The following PKN2 variants were observed in gnomAD, a reference collection of about 807,000 sequenced individuals.
PKN2 encodes the protein protein kinase N2.
In PKN2, 38 loss-of-function variants were observed where a neutral mutation model predicts 119.1. The observed-to-expected ratio is 0.32, with a 90% CI of 0.25 to 0.42. PKN2 has a LOEUF of 0.42. Among genes scored for constraint, PKN2 ranks in the 10% least tolerant of loss-of-function variants. The pLI is 1.00. For missense variants in PKN2, 850 were observed against 1,165.1 expected (o/e 0.73, Z 3.94); for synonymous variants, 390 against 384.9 (o/e 1.01, Z -0.15).
intron 2 of PKN2, among the ~76,000 whole-genome samples, chr1:88,745,661 T>A (rs886470750): frequency 6.6e-6 from 1 of 152,156 alleles, no homozygotes; most frequent in Non-Finnish European, 1.5e-5. Context: ...ATGTCCATAC[T>A]ACCCAATGTG....
intron 1 of PKN2, among the ~76,000 whole-genome samples, chr1:88,687,187 TTC>T (rs1213971194): frequency 4.6e-5 from 7 of 152,174 alleles, no homozygotes; most frequent in Admixed American, 4.6e-4. Context: ...AACTACAGTA[TTC>T]TGTCTTGTTA....
chr1:88,820,180 C>CTATATATATATATA (rs397980752), intron 16 of PKN2, among the ~76,000 whole-genome samples: 23 of 70,718 alleles, frequency 3.3e-4, no homozygotes, highest in East Asian at 4.9e-4. Flanking sequence ...TTTCAGAAAC[C>CTATATATATATATA]TATATATATA....
At chr1:88,745,937 C>T (rs148921864) in intron 2 of PKN2, among the ~76,000 whole-genome samples, 1 of 152,186 alleles carries the variant, frequency 6.6e-6, no homozygotes, top group African/African-American at 2.4e-5. Flanking sequence ...CAATTCAAAT[C>T]AATTGATTTT....
intron 1 of PKN2, among the ~76,000 whole-genome samples, chr1:88,714,996 T>C (rs1264055549): frequency 6.6e-6 from 1 of 152,228 alleles, no homozygotes; most frequent in African/African-American, 2.4e-5. Context: ...CTGTTGAATT[T>C]TGTCAAAGGC....
chr1:88,693,022 A>C (rs1235782970), intron 1 of PKN2, among the ~76,000 whole-genome samples: 1 of 152,246 alleles, frequency 6.6e-6, no homozygotes, highest in Non-Finnish European at 1.5e-5. Flanking sequence ...GTATTGCTTC[A>C]CACATGCTAG....
At position 88,813,612 on chromosome 1, in the gene PKN2, T is replaced by C; in HGVS notation, c.2158T>C (p.Leu720=). Residue 720 remains leucine, a synonymous_variant, in exon 16 of 22, where the codon TTG becomes CTG. Coordinates refer to ENST00000370521, the MANE Select transcript of PKN2 (RefSeq NM_006256.4). ...ETVNSVRHPF[L]VNLFACFQTK... Reference sequence around the variant, plus strand: ...TGTGAATAGTGTAAGGCATCCCTTTTTGGTGAACCTTTTTGCATGTTTCCA... The same window carrying C: ...TGTGAATAGTGTAAGGCATCCCTTTCTGGTGAACCTTTTTGCATGTTTCCA... 1.2e-6 allele frequency: 2 copies of C among 1,610,776 alleles called. No individual in the cohort carries two copies. Among genetic ancestry groups the C allele is most frequent in the Non-Finnish European group, 1.7e-6 (2 of 1,178,792 alleles).
intron 1 of PKN2, among the ~76,000 whole-genome samples, chr1:88,720,045 G>A (rs569580992): frequency 6.6e-6 from 1 of 152,130 alleles, no homozygotes; most frequent in Non-Finnish European, 1.5e-5. Flanking sequence ...TGTTGTTGTT[G>A]TTTTTAAGAC....
intron 1 of PKN2, among the ~76,000 whole-genome samples, chr1:88,698,478 G>A (rs915653417): frequency 3.9e-5 from 6 of 152,226 alleles, no homozygotes; most frequent in Non-Finnish European, 5.9e-5. Context: ...ACTTGGTGAA[G>A]TCAATTCTGG....
intron 3 of PKN2, among the ~76,000 whole-genome samples, chr1:88,763,959 T>A (rs1669554454): frequency 1.3e-5 from 2 of 152,348 alleles, no homozygotes; most frequent in South Asian, 4.1e-4. Context: ...AGAACTCTGC[T>A]TATTGGATTC....
intron 19 of PKN2, among the ~76,000 whole-genome samples, chr1:88,832,465 A>T (rs984915373): frequency 2.0e-5 from 3 of 152,078 alleles, no homozygotes; most frequent in African/African-American, 7.2e-5. Context: ...CATATCATAT[A>T]TGAGATAGAC....
At position 88,743,803 on chromosome 1, in the gene PKN2, G is replaced by A. The variant is rs970494175; in HGVS notation, c.349+2515G>A. 7.2e-5 allele frequency among the ~76,000 whole-genome samples: 11 copies of A among 152,170 alleles called. No individual in the cohort carries two copies. In the East Asian group the frequency reaches 2.1e-3, roughly 29 times the overall value. On this transcript the variant is annotated intron_variant, in intron 2 of 21. Transcript: ENST00000370521. Reference sequence around the variant, plus strand: ...TCAAAGCCTAATTATTATGACACTTGAAACATTAAATAACTTAGAAAACAA... The same window carrying A: ...TCAAAGCCTAATTATTATGACACTTAAAACATTAAATAACTTAGAAAACAA...
rs1277813625 is a variant in PKN2, at chr1:88,806,262, C to G, written c.1803+245C>G. The stretch of plus-strand genomic sequence containing the variant: ...CTCCGCCTCCCGGATTCAAGCGATT[C>G]TCCTGCAAGCCATTCTCCTATCTCA... On this transcript the variant is annotated intron_variant, in intron 12 of 21. Transcript: ENST00000370521. The G allele has an allele frequency of 1.2e-5, 5 of 426,094 alleles. No individual in the cohort carries two copies. In the East Asian group the frequency reaches 2.4e-4, roughly 21 times the overall value. The allele number at this position is 426,094 out of a possible 1,614,324, so 26.4% of individuals were successfully genotyped here.
rs549594227 is a variant in PKN2 at position 88,690,327 on chromosome 1, T to C, written c.48+5699T>C. 1.1e-4 allele frequency among the ~76,000 whole-genome samples: 16 copies of C among 152,348 alleles called. No homozygotes were observed. The South Asian group carries it at 3.1e-3, about 30-fold the overall frequency. The stretch of plus-strand genomic sequence containing the variant: ...AAAGTAGTAGTTTGTAAACATCACC[T>C]AAAATAATGTTACTTTCATACCATA... On this transcript the variant is annotated intron_variant, in intron 1 of 21. Transcript: ENST00000370521.
At chr1:88,788,127 G>A (rs558769850) in intron 8 of PKN2, among the ~76,000 whole-genome samples, 36 of 152,192 alleles carry the variant, frequency 2.4e-4, no homozygotes, top group Admixed American at 1.0e-3. Context: ...GAACTAAGTC[G>A]TCTGTACTGT....
intron 1 of PKN2, among the ~76,000 whole-genome samples, chr1:88,712,160 C>G (rs1667262442): frequency 6.6e-6 from 1 of 152,020 alleles, no homozygotes; most frequent in Non-Finnish European, 1.5e-5. Flanking sequence ...GATCTGAATA[C>G]ATTTTTAAAG....
In PKN2 at chr1:88,804,861, C is replaced by A. The variant is rs2100873904; in HGVS notation, c.1441C>A (p.Pro481Thr). Residue 481 changes from proline (P) to threonine (T), a missense_variant, in exon 10 of 22, where the codon CCA becomes ACA. By Grantham distance (38) the Pro-to-Thr change is conservative. Coordinates refer to ENST00000370521, the MANE Select transcript of PKN2 (RefSeq NM_006256.4). The part of the protein sequence containing the change: ...TLFAEVTFFN[P>T]VIERRPKLQR... ...TTCACTGCAGGTTACCTTTTTTAAT[C>A]CAGTTATTGAAAGAAGACCAAAACT... is the stretch of plus-strand genomic sequence containing the variant. 2 of 1,567,526 alleles carry A rather than the reference C, an allele frequency of 1.3e-6. No homozygotes were observed. Among genetic ancestry groups the A allele is most frequent in the Non-Finnish European group, 1.7e-6 (2 of 1,147,774 alleles).
At chr1:88,775,876 C>T (rs58952393) in intron 6 of PKN2, among the ~76,000 whole-genome samples, 10,108 of 152,046 alleles carry the variant, frequency 0.066, 685 homozygotes, top group African/African-American at 0.18. Flanking sequence ...GAGGCCGAGG[C>T]GGGTGGATCA....
At chr1:88,717,686 C>T (rs1253318779) in intron 1 of PKN2, among the ~76,000 whole-genome samples, 1 of 151,924 alleles carries the variant, frequency 6.6e-6, no homozygotes, top group Non-Finnish European at 1.5e-5. Context: ...TCTAGTCAGC[C>T]ATTCTTCTAA....
chr1:88,743,556 C>G (rs982143724), intron 2 of PKN2, among the ~76,000 whole-genome samples: 6 of 152,246 alleles, frequency 3.9e-5, no homozygotes, highest in African/African-American at 1.2e-4. Flanking sequence ...TTTATCTTCT[C>G]TGTGCTACTT....
Sources: allele counts gnomAD v4.1 joint callset (sites outside exome capture counted in the v4.1 genomes callset), GRCh38; gene constraint gnomAD v4.1.1; transcripts MANE v1.5; gene names NCBI Gene and HGNC (gene_info 2026-07-23, HGNC 2026-07-21).